The following CNTNAP2 variants were observed in gnomAD, a reference collection of about 807,000 sequenced individuals.
CNTNAP2 encodes the protein contactin-associated protein-like 2.
CNTNAP2 carries 98 observed loss-of-function variants against 155.2 expected under a neutral mutation model. The ratio of observed to expected loss-of-function variants is 0.63; its 90% CI spans 0.54 to 0.75. The LOEUF (loss-of-function observed/expected upper bound fraction) is 0.75. Ranked by LOEUF, CNTNAP2 falls within the 30% of genes least tolerant of loss-of-function variation. CNTNAP2 has a pLI of 0.00. For synonymous variants in CNTNAP2, 651 were observed against 631.2 expected, an observed-to-expected ratio of 1.03 and a Z score of -0.47; for missense variants, 1,727 against 1,688.1, an observed-to-expected ratio of 1.02 and a Z score of -0.40.
intron 1 of CNTNAP2, among the ~76,000 whole-genome samples, chr7:146,185,130 T>G (rs940640170): frequency 1.3e-5 from 2 of 152,096 alleles, no homozygotes; most frequent in African/African-American, 4.8e-5. Context: ...CTATAAACCC[T>G]AGACTATAGC....
intron 13 of CNTNAP2, among the ~76,000 whole-genome samples, chr7:147,668,321 G>A (rs1584889180): frequency 6.6e-6 from 1 of 152,136 alleles, no homozygotes; most frequent in Non-Finnish European, 1.5e-5. Flanking sequence ...CTACTGATAA[G>A]AAAATCTATG....
chr7:148,205,338 A>G (rs1795432332), intron 18 of CNTNAP2, among the ~76,000 whole-genome samples: 1 of 152,252 alleles, frequency 6.6e-6, no homozygotes, highest in African/African-American at 2.4e-5. Flanking sequence ...AGTTAAAGAA[A>G]CAATATAATT....
chr7:147,217,872 G>T (rs540960796), intron 8 of CNTNAP2, among the ~76,000 whole-genome samples: 84 of 152,058 alleles, frequency 5.5e-4, no homozygotes, highest in Admixed American at 3.2e-3. Flanking sequence ...TTATTAGATA[G>T]ATTTTATTTT....
intron 1 of CNTNAP2, among the ~76,000 whole-genome samples, chr7:146,534,178 G>A (rs1226147222): frequency 1.3e-5 from 2 of 152,040 alleles, no homozygotes; most frequent in Non-Finnish European, 2.9e-5. Context: ...GGGGAAAGAA[G>A]GACTTCCTGG....
chr7:146,594,848 T>C (rs184471405), intron 1 of CNTNAP2, among the ~76,000 whole-genome samples: 2 of 152,190 alleles, frequency 1.3e-5, no homozygotes, highest in Admixed American at 1.3e-4. Context: ...CAATTTGTAG[T>C]GTTTGCTGAT....
At chr7:146,132,761 C>T (rs1156408381) in intron 1 of CNTNAP2, among the ~76,000 whole-genome samples, 1 of 151,160 alleles carries the variant, frequency 6.6e-6, no homozygotes. Flanking sequence ...TTTATGGCTG[C>T]ATAGTATTCC....
intron 10 of CNTNAP2, among the ~76,000 whole-genome samples, chr7:147,456,558 T>G (rs1408528040): frequency 6.6e-6 from 1 of 152,088 alleles, no homozygotes; most frequent in Non-Finnish European, 1.5e-5. Context: ...GATGTGTGCC[T>G]AGAACAATGA....
At chr7:147,091,916 T>C (rs1296194582) in intron 4 of CNTNAP2, among the ~76,000 whole-genome samples, 1 of 151,902 alleles carries the variant, frequency 6.6e-6, no homozygotes, top group Non-Finnish European at 1.5e-5. Flanking sequence ...ATTTTTTGTA[T>C]TTTTAATAGA....
chr7:147,502,853 G>A (rs901485627), intron 11 of CNTNAP2, among the ~76,000 whole-genome samples: 3 of 151,822 alleles, frequency 2.0e-5, no homozygotes, highest in Non-Finnish European at 2.9e-5. Flanking sequence ...AAAGTAGCAG[G>A]AAAAGTAGGC....
chr7:147,189,805 C>T (rs751652951), intron 8 of CNTNAP2, among the ~76,000 whole-genome samples: 53 of 152,118 alleles, frequency 3.5e-4, no homozygotes, highest in African/African-American at 1.3e-3. Context: ...AGTGCAGTGG[C>T]GCGATCTCGG....
intron 13 of CNTNAP2, among the ~76,000 whole-genome samples, chr7:147,848,938 A>T (rs563106772): frequency 1.3e-5 from 2 of 152,260 alleles, no homozygotes; most frequent in East Asian, 1.9e-4. Flanking sequence ...CAGAGTCGGA[A>T]AAGCCTTAAC....
rs113651664 is a variant in CNTNAP2 at position 146,885,728 on chromosome 7, T to C, written c.402+45824T>C. 1.1e-3 allele frequency among the ~76,000 whole-genome samples: 165 copies of C among 152,294 alleles called. 3 individuals carry two copies. In the South Asian group the frequency reaches 0.016, roughly 15 times the overall value. On this transcript the variant is annotated intron_variant, in intron 3 of 23. Coordinates refer to ENST00000361727, the MANE Select transcript of CNTNAP2 (RefSeq NM_014141.6). ...GCCAATAAGAAAACTTAAGTGATTCTATTTGTCATGTTTTCAATTACCGTA... is the reference window on the plus strand; with the variant it reads ...GCCAATAAGAAAACTTAAGTGATTCCATTTGTCATGTTTTCAATTACCGTA...
chr7:147,730,529 AATGAATTTAAT>A (rs1796720954), intron 13 of CNTNAP2, among the ~76,000 whole-genome samples: 7 of 152,194 alleles, frequency 4.6e-5, no homozygotes, highest in African/African-American at 1.7e-4. Flanking sequence ...CGTACAAGAC[AATGAATTTAAT>A]CAATAAATGT....
intron 8 of CNTNAP2, among the ~76,000 whole-genome samples, chr7:147,169,459 C>T (rs1196817156): frequency 6.6e-6 from 1 of 152,148 alleles, no homozygotes; most frequent in Non-Finnish European, 1.5e-5. Flanking sequence ...TCTGCAGTGT[C>T]TACTGTTCCC....
At chr7:147,197,390 A>T (rs1160552557) in intron 8 of CNTNAP2, among the ~76,000 whole-genome samples, 1 of 125,808 alleles carries the variant, frequency 7.9e-6, no homozygotes, top group African/African-American at 3.2e-5. Context: ...TGCTTTTGTC[A>T]CTTGATTCTT....
chr7:147,029,917 A>G (rs1313419926), intron 3 of CNTNAP2, among the ~76,000 whole-genome samples: 12 of 152,238 alleles, frequency 7.9e-5, no homozygotes, highest in African/African-American at 2.9e-4. Flanking sequence ...TGCTTATAAA[A>G]AGCTCTTGGT....
At chr7:146,675,946 A>G (rs1800391142) in intron 1 of CNTNAP2, among the ~76,000 whole-genome samples, 1 of 152,190 alleles carries the variant, frequency 6.6e-6, no homozygotes, top group African/African-American at 2.4e-5. Context: ...ATACTAGGAA[A>G]CACAAAGTGA....
At chr7:147,281,498 C>T (rs1805032977) in intron 8 of CNTNAP2, among the ~76,000 whole-genome samples, 1 of 151,588 alleles carries the variant, frequency 6.6e-6, no homozygotes, top group Non-Finnish European at 1.5e-5. Context: ...AATATACTTT[C>T]CTTTAGTATA....
intron 3 of CNTNAP2, among the ~76,000 whole-genome samples, chr7:147,028,014 G>C (rs769780606): frequency 5.3e-5 from 8 of 152,154 alleles, no homozygotes; most frequent in Non-Finnish European, 1.0e-4. Flanking sequence ...ATCCAACTTA[G>C]GGCTGGAGAT....
Sources: gnomAD v4.1 joint callset for allele counts (sites outside exome capture counted in the v4.1 genomes callset) on GRCh38, gnomAD v4.1.1 for gene constraint, MANE v1.5 for transcripts, NCBI Gene and HGNC (gene_info 2026-07-23, HGNC 2026-07-21) for gene names.